ITIH1: variants seen among roughly 807,000 people sequenced by gnomAD.
ITIH1 encodes inter-alpha-trypsin inhibitor heavy chain 1, also known as inter-alpha-trypsin inhibitor heavy chain H1.
In ITIH1, 94 loss-of-function variants were observed where a neutral mutation model predicts 104.6. The ratio of observed to expected loss-of-function variants is 0.90; its 90% confidence interval spans 0.76 to 1.07. The LOEUF (loss-of-function observed/expected upper bound fraction) is 1.07. ITIH1 is among the 50% of genes least tolerant of loss of function. The pLI is 0.00. For missense variants in ITIH1, 1,193 were observed against 1,181.4 expected (o/e 1.01, Z -0.14); for synonymous variants, 455 against 464.4 (o/e 0.98, Z 0.26).
Position 52,781,203 on chromosome 3 carries a change from TTTTTTTTCTTC to T in ITIH1, c.688-734_688-724del, listed in dbSNP as rs1372801266. On this transcript the variant is annotated intron_variant, in intron 6 of 21. Transcript: ENST00000273283. Reference sequence around the variant, plus strand: ...TCCTTCACCTCCTCCTCTTCTTTTTTTTTTTTTCTTCTTCTTCTTCTTCTTCTTCTTCTTCT... The same window carrying T: ...TCCTTCACCTCCTCCTCTTCTTTTTTTTCTTCTTCTTCTTCTTCTTCTTCT... Among the ~76,000 whole-genome samples, 77 of 122,740 alleles carry T rather than the reference TTTTTTTTCTTC, an allele frequency of 6.3e-4. 1 individual carries two copies. Among genetic ancestry groups the T allele is most frequent in the African/African-American group, 2.6e-3 (72 of 27,438 alleles). The allele number at this position is 122,740 out of a possible 152,430, so 80.5% of individuals were successfully genotyped here. A position where few individuals can be genotyped will look rare whatever the true frequency, so the allele number is the denominator to read the frequency against.
intron 6 of ITIH1, among the ~76,000 whole-genome samples, chr3:52,781,078 C>A (rs1256190105): frequency 6.6e-6 from 1 of 152,218 alleles, no homozygotes. Flanking sequence ...AGCAAACATG[C>A]TTGCTTTCTG....
intron 7 of ITIH1, 41 bp from the exon 8 acceptor site, chr3:52,782,110 G>T (rs1361821740): frequency 4.3e-6 from 7 of 1,614,106 alleles, no homozygotes; most frequent in East Asian, 2.2e-5. Context: ...ATGGGCAAGG[G>T]GTGCTGTGAG....
At chr3:52,786,832 T>A (rs1187274875) in intron 13 of ITIH1, 113 bp from the exon 14 acceptor site, 2 of 1,268,664 alleles carry the variant, frequency 1.6e-6, no homozygotes, top group African/African-American at 3.2e-5. Flanking sequence ...GCTTAATACT[T>A]ATGTGTCGAA....
intron 6 of ITIH1, 107 bp from the exon 7 acceptor site, chr3:52,781,833 G>C: frequency 6.9e-7 from 1 of 1,440,098 alleles, no homozygotes; most frequent in Non-Finnish European, 9.5e-7. Context: ...TTCTCTGTCC[G>C]TGCAAACACA....
chr3:52,786,009 T>C (rs1431642168), intron 12 of ITIH1, among the ~76,000 whole-genome samples: 1 of 152,122 alleles, frequency 6.6e-6, no homozygotes, highest in South Asian at 2.1e-4. Context: ...GAGTGGGTCA[T>C]AGTGGAAACA....
In ITIH1 at chr3:52,782,967, C is replaced by T. The variant is rs1360623564; in HGVS notation, c.941C>T (p.Ala314Val). 3 of 1,613,978 alleles carry T rather than the reference C, an allele frequency of 1.9e-6. No individual in the cohort carries two copies. Among genetic ancestry groups the T allele is most frequent in the Non-Finnish European group, 2.5e-6 (3 of 1,179,936 alleles). ...RGQKVKQTKEALLKILGDMQP... is the reference protein window; with the variant it reads ...RGQKVKQTKEVLLKILGDMQP... ...GTTCTGTCCTTGCAGACCAAGGAGGCACTCCTTAAAATTCTGGGGGACATG... is the reference window on the plus strand; with the variant it reads ...GTTCTGTCCTTGCAGACCAAGGAGGTACTCCTTAAAATTCTGGGGGACATG... The change falls in exon 9 of 22, where the codon GCA (alanine) becomes GTA (valine). Residue 314 changes from alanine (A) to valine (V), a missense_variant. By Grantham distance (64) the Ala-to-Val change is moderately conservative (BLOSUM62 0). Coordinates refer to ENST00000273283, the MANE Select transcript of ITIH1 (RefSeq NM_002215.4).
Position 52,777,696 on chromosome 3 carries a change from C to T in ITIH1, c.81C>T (p.Ala27=), listed in dbSNP as rs759846975. The T allele has an allele frequency of 1.9e-6, 3 of 1,603,182 alleles. No individual in the cohort carries two copies. Among genetic ancestry groups the T allele is most frequent in the Admixed American group, 1.7e-5 (1 of 57,864 alleles). ...TCCTCATCCTGCAGGCCATGCCTGCCCTGGGCTCGGCTACAGGCAGGTCCA... is the reference window on the plus strand; with the variant it reads ...TCCTCATCCTGCAGGCCATGCCTGCTCTGGGCTCGGCTACAGGCAGGTCCA... The part of the protein sequence containing the change: ...VSLLILQAMP[A]LGSATGRSKS... Residue 27 remains alanine (A), a synonymous_variant, in exon 1 of 22, where the codon GCC becomes GCT. Transcript: ENST00000273283.
In ITIH1 at chr3:52,778,377, A is replaced by G; in HGVS notation, c.176A>G (p.Asn59Ser). 6.2e-7 allele frequency: 1 copy of G among 1,614,216 alleles called. No homozygotes were observed. The highest frequency in any genetic ancestry group is 8.5e-7 in the Non-Finnish European group (1 of 1,180,030). ...DGVFIRSLKV[N>S]CKVTSRFAHY... Reference sequence around the variant, plus strand: ...GTGTTCATCCGGAGTTTGAAAGTCAACTGCAAAGTCACCTCTCGCTTCGCC... The same window carrying G: ...GTGTTCATCCGGAGTTTGAAAGTCAGCTGCAAAGTCACCTCTCGCTTCGCC... Residue 59 changes from asparagine to serine, a missense_variant, in exon 3 of 22, where the codon AAC becomes AGC. Asn to Ser is a conservative substitution (Grantham distance 46). Transcript: ENST00000273283.
At position 52,778,500 on chromosome 3, in the gene ITIH1, T is replaced by C. The variant is rs1386444770; in HGVS notation, c.299T>C (p.Phe100Ser). 1.2e-6 allele frequency: 2 copies of C among 1,614,198 alleles called. No individual in the cohort carries two copies. ...EIPKTAFISD[F>S]AVTADGNAFI... ...CCCAAGACAGCATTCATCAGTGACT[T>C]TGCCGTGTGCGTGCCTGCCCAACTC... The change falls in exon 3 of 22, where the codon TTT becomes TCT. Residue 100 changes from phenylalanine (F) to serine (S), a missense_variant. By Grantham distance (155) the Phe-to-Ser change is radical. Transcript: ENST00000273283.
intron 12 of ITIH1, among the ~76,000 whole-genome samples, chr3:52,785,728 G>C (rs528465028): frequency 6.6e-6 from 1 of 152,350 alleles, no homozygotes; most frequent in Non-Finnish European, 1.5e-5. Context: ...AAGGAGAGTT[G>C]AGCTGGACCT....
At chr3:52,789,028 T>C (rs112361359) in intron 18 of ITIH1, among the ~76,000 whole-genome samples, 2,474 of 152,282 alleles carry the variant, frequency 0.016, 78 homozygotes, top group African/African-American at 0.056. Flanking sequence ...GCCTTGGTTA[T>C]GGGGAACAGC....
intron 6 of ITIH1, 31 bp from the exon 7 acceptor site, chr3:52,781,909 C>A (rs775346325): frequency 6.2e-7 from 1 of 1,612,670 alleles, no homozygotes; most frequent in Non-Finnish European, 8.5e-7. Flanking sequence ...TTACACAGAC[C>A]AGTAATGGCT....
chr3:52,790,167 T>A, intron 19 of ITIH1: 1 of 440,010 alleles, frequency 2.3e-6, no homozygotes, highest in Non-Finnish European at 4.2e-6. Flanking sequence ...CCCTCAGCCC[T>A]CCTGCTCTCT....
At position 52,785,025 on chromosome 3, in the gene ITIH1, G is replaced by C; in HGVS notation, c.1408-19G>C. On this transcript the variant is annotated intron_variant, in intron 11 of 21. Coordinates refer to ENST00000273283, the MANE Select transcript of ITIH1 (RefSeq NM_002215.4). Reference sequence around the variant, plus strand: ...GCCCAGGGTGCTCAGCTCTAAGGCTGCAACCTCTATCCCTGCAGGGTTTCT... The same window carrying C: ...GCCCAGGGTGCTCAGCTCTAAGGCTCCAACCTCTATCCCTGCAGGGTTTCT... The C allele has an allele frequency of 6.2e-7, 1 of 1,613,258 alleles. No homozygotes were observed. The highest frequency in any genetic ancestry group is 8.5e-7 in the Non-Finnish European group (1 of 1,179,674).
rs1376130080 is a variant in ITIH1, at chr3:52,790,793, T to C, written c.2366T>C (p.Val789Ala). 11 of 1,613,092 alleles carry C rather than the reference T, an allele frequency of 6.8e-6. No individual in the cohort carries two copies. Among genetic ancestry groups the C allele is most frequent in the Admixed American group, 5.0e-5 (3 of 59,826 alleles). Residue 789 changes from valine to alanine, a missense_variant, in exon 20 of 22, where the codon GTG becomes GCG. Physicochemically the swap from Val to Ala is moderately conservative, Grantham distance 64 (BLOSUM62 0). Coordinates refer to ENST00000273283, the MANE Select transcript of ITIH1 (RefSeq NM_002215.4). ...INKKRNLVVS[V>A]DDGGTFEVVL... is the part of the protein sequence containing the mutation. ...AAGAAGAGGAACCTGGTGGTGTCTG[T>C]GGACGACGGTGGCACCTTTGAGGTT...
intron 15 of ITIH1, 37 bp from the exon 16 acceptor site, chr3:52,787,555 G>T: frequency 6.2e-7 from 1 of 1,613,834 alleles, no homozygotes; most frequent in South Asian, 1.1e-5. Context: ...CACCGTGGGT[G>T]ACACTGTCTT....
chr3:52,787,376 G>A (rs945462151), intron 15 of ITIH1, among the ~76,000 whole-genome samples, 174 bp downstream of exon 15: 5 of 152,068 alleles, frequency 3.3e-5, no homozygotes, highest in African/African-American at 9.7e-5. Flanking sequence ...TCCCTGCTGC[G>A]CTTTGTGAGC....
rs529418884 is a variant in ITIH1 at position 52,787,501 on chromosome 3, G to C, written c.1904-91G>C. On this transcript the variant is annotated intron_variant, in intron 15 of 21. Coordinates refer to ENST00000273283, the MANE Select transcript of ITIH1 (RefSeq NM_002215.4). Reference sequence around the variant, plus strand: ...CTGAGACCCCCAGAGGGACGGCTGGGCCCAGGCCTGTTGTGGACAGAGCTG... The same window carrying C: ...CTGAGACCCCCAGAGGGACGGCTGGCCCCAGGCCTGTTGTGGACAGAGCTG... 294 of 1,499,724 alleles carry C rather than the reference G, an allele frequency of 2.0e-4. 2 individuals are homozygous for C. The East Asian group carries it at 6.6e-3, about 33-fold the overall frequency. 92.9% of individuals were successfully genotyped at this position (1,499,724 alleles called of 1,614,324 possible).
In ITIH1 at chr3:52,779,903, G is replaced by C. The variant is rs769510222; in HGVS notation, c.573+309G>C. On this transcript the variant is annotated intron_variant, in intron 5 of 21. Coordinates refer to ENST00000273283, the MANE Select transcript of ITIH1 (RefSeq NM_002215.4). The surrounding 1 kb of genome is among the most constrained non-coding windows in gnomAD (Gnocchi z 4.4). Reference sequence around the variant, plus strand: ...GTAATTTTGTAAACTAGAAAGTCCCGCGCAGCCTGAGGGCCTGGAATTATT... The same window carrying C: ...GTAATTTTGTAAACTAGAAAGTCCCCCGCAGCCTGAGGGCCTGGAATTATT... 993 of 1,380,810 alleles carry C rather than the reference G, an allele frequency of 7.2e-4. No homozygotes were observed. Among genetic ancestry groups the C allele is most frequent in the South Asian group, 1.1e-3 (71 of 64,758 alleles). The allele number at this position is 1,380,810 out of a possible 1,614,324, so 85.5% of individuals were successfully genotyped here. A position where few individuals can be genotyped will look rare whatever the true frequency, so the allele number is the denominator to read the frequency against.
Sources: gnomAD v4.1 joint callset for allele counts (sites outside exome capture counted in the v4.1 genomes callset) on GRCh38, gnomAD v4.1.1 for gene constraint, Gnocchi (gnomAD v3.1) non-coding constraint, MANE v1.5 for transcripts, NCBI Gene and HGNC (gene_info 2026-07-23, HGNC 2026-07-21) for gene names.